Variants in C3orf49 observed in about 807,000 individuals in gnomAD.
C3orf49 encodes the protein chromosome 3 open reading frame 49.
In C3orf49, 27 loss-of-function variants were observed where a neutral mutation model predicts 13.3. The observed-to-expected ratio is 2.02, with a 90% confidence interval of 1.49 to 2.79. C3orf49 has a LOEUF of 2.79. C3orf49 is among the 30% of genes most tolerant of loss of function. The pLI is 0.00. For missense variants in C3orf49, 242 were observed against 134.2 expected (o/e 1.80, Z -3.97); for synonymous variants, 87 against 47.6 (o/e 1.83, Z -3.40).
chr3:63,838,483 G>A lies in C3orf49; in HGVS notation c.850-6540G>A, dbSNP rs1244291457. The A allele has an allele frequency of 1.9e-6, 3 of 1,606,508 alleles. No homozygotes were observed. Among genetic ancestry groups the A allele is most frequent in the South Asian group, 2.2e-5 (2 of 89,264 alleles). On this transcript the variant is annotated intron_variant, in intron 5 of 6. Coordinates refer to ENST00000295896, the MANE Select transcript of C3orf49 (RefSeq NM_001355236.2). ...CATTGAGACAGCGTGCTCAGCATAC[G>A]TTGGTACTGGCTATATCTAATGAAA...
At chr3:63,796,254 C>G in the C3orf49 span, among the ~76,000 whole-genome samples, 1 of 152,132 alleles carries the variant, frequency 6.6e-6, no homozygotes, top group Non-Finnish European at 1.5e-5. Context: ...TAAATGGTCT[C>G]CCTGCTTCCA....
chr3:63,834,312 T>C, intron 5 of C3orf49: 2 of 980,474 alleles, frequency 2.0e-6, no homozygotes, highest in South Asian at 1.5e-5. Context: ...AAAGCTAAGA[T>C]GGCTACTAGT....
chr3:63,827,813 G>A (rs1174584498), intron 3 of C3orf49, 88 bp downstream of exon 3: 1 of 647,878 alleles, frequency 1.5e-6, no homozygotes, highest in Admixed American at 2.3e-5. Context: ...GTCCTACCAT[G>A]AGTCCTCCAC....
At chr3:63,836,156 A>T in intron 5 of C3orf49, 1 of 671,366 alleles carries the variant, frequency 1.5e-6, no homozygotes, top group Non-Finnish European at 2.4e-6. Flanking sequence ...AAAATCTAAC[A>T]GAGAAGTATG....
chr3:63,794,277 C>T, the C3orf49 span, among the ~76,000 whole-genome samples: 2 of 152,198 alleles, frequency 1.3e-5, no homozygotes, highest in Middle Eastern at 6.8e-3. Flanking sequence ...CCCCATCTTC[C>T]TCCGTTTCTA....
At chr3:63,837,308 A>G (rs1701655651) in intron 5 of C3orf49, among the ~76,000 whole-genome samples, 1 of 151,332 alleles carries the variant, frequency 6.6e-6, no homozygotes, top group Non-Finnish European at 1.5e-5. Flanking sequence ...AGTTTTTCAT[A>G]TCAATGTAAC....
chr3:63,822,065 T>G lies in C3orf49; in HGVS notation c.126-1185T>G, dbSNP rs180847782. On this transcript the variant is annotated intron_variant, in intron 1 of 6. Transcript: ENST00000295896. ...ATCTCGGCTCACTGCAAGCTCTGCC[T>G]CCCGGGTTCACAACATTCTCCTGCC... 8.4e-3 allele frequency among the ~76,000 whole-genome samples: 1,284 copies of G among 152,128 alleles called. 19 individuals carry two copies. Among genetic ancestry groups the G allele is most frequent in the African/African-American group, 0.027 (1,130 of 41,488 alleles).
chr3:63,787,859 T>C, the C3orf49 span, among the ~76,000 whole-genome samples: 192 of 152,324 alleles, frequency 1.3e-3, no homozygotes, highest in African/African-American at 4.3e-3. Context: ...AACAGATTAC[T>C]GGGGAGAATG....
intron 3 of C3orf49, among the ~76,000 whole-genome samples, chr3:63,830,303 A>G (rs550094477): frequency 6.6e-6 from 1 of 152,308 alleles, no homozygotes; most frequent in Admixed American, 6.5e-5. Flanking sequence ...TATGAAAGAG[A>G]AAAAAGAGGG....
the C3orf49 span, chr3:63,783,042 T>C: frequency 2.6e-5 from 4 of 152,096 alleles, no homozygotes; most frequent in African/African-American, 9.7e-5. Context: ...TGAATCCTAA[T>C]TGAAAGATGA....
At chr3:63,823,204 T>C (rs1172537356) in intron 1 of C3orf49, 46 bp from the exon 2 acceptor site, 1 of 619,488 alleles carries the variant, frequency 1.6e-6, no homozygotes, top group East Asian at 2.7e-5. Context: ...TTTTTCACTT[T>C]TAACTTTTCA....
At chr3:63,834,126 G>A (rs1233720884) in intron 5 of C3orf49, 2 of 1,613,816 alleles carry the variant, frequency 1.2e-6, no homozygotes, top group Admixed American at 1.7e-5. Context: ...TGGGCAATTA[G>A]CCTGTCTATG....
chr3:63,847,620 C>G (rs938534028), intron 6 of C3orf49, among the ~76,000 whole-genome samples: 2 of 152,070 alleles, frequency 1.3e-5, no homozygotes, highest in African/African-American at 4.8e-5. Flanking sequence ...GCCTGTAATC[C>G]CAGCTACTCA....
chr3:63,839,308 C>T (rs1313694110), intron 5 of C3orf49, among the ~76,000 whole-genome samples: 5 of 152,118 alleles, frequency 3.3e-5, no homozygotes, highest in African/African-American at 1.2e-4. Flanking sequence ...TAATTTTGCA[C>T]CAACTTAATA....
intron 2 of C3orf49, among the ~76,000 whole-genome samples, chr3:63,825,001 C>T (rs891989487): frequency 1.3e-5 from 2 of 152,048 alleles, no homozygotes; most frequent in Non-Finnish European, 2.9e-5. Context: ...CATTTACAAT[C>T]GATGAACCAA....
intron 4 of C3orf49, 100 bp from the exon 5 acceptor site, chr3:63,831,580 C>T (rs1242198547): frequency 1.5e-6 from 1 of 653,348 alleles, no homozygotes; most frequent in Non-Finnish European, 2.7e-6. Flanking sequence ...AAAATGTCCG[C>T]CAGTTCCAGA....
At chr3:63,785,963 G>A in the C3orf49 span, 1 of 152,188 alleles carries the variant, frequency 6.6e-6, no homozygotes, top group Admixed American at 6.5e-5. Flanking sequence ...TGAAAACCCA[G>A]TAGTAGTATT....
intron 1 of C3orf49, among the ~76,000 whole-genome samples, chr3:63,821,231 A>G (rs1214444934): frequency 6.6e-6 from 1 of 152,202 alleles, no homozygotes; most frequent in Non-Finnish European, 1.5e-5. Context: ...CTGTCACTGA[A>G]CCACTTCCCA....
the C3orf49 span, among the ~76,000 whole-genome samples, chr3:63,781,905 C>A: frequency 2.6e-5 from 4 of 152,174 alleles, no homozygotes; most frequent in African/African-American, 9.6e-5. Flanking sequence ...CCCCATTTTA[C>A]AGACATGGAA....
Sources: gnomAD v4.1 joint callset for allele counts (sites outside exome capture counted in the v4.1 genomes callset) on GRCh38, gnomAD v4.1.1 for gene constraint, MANE v1.5 for transcripts, NCBI Gene and HGNC (gene_info 2026-07-23, HGNC 2026-07-21) for gene names.